The following RASA2 variants were observed in gnomAD, a reference collection of about 807,000 sequenced individuals.
RASA2 encodes the protein ras GTPase-activating protein 2.
Under a neutral mutation model 118.2 loss-of-function variants are expected in RASA2, and 155 were observed. The ratio of observed to expected loss-of-function variants is 1.31; its 90% confidence interval spans 1.15 to 1.50. The LOEUF is 1.50. Ranked by LOEUF, RASA2 falls within the 40% of genes most tolerant of loss-of-function variation. The probability of loss-of-function intolerance (pLI) is 0.00; values close to 1 mark genes in which losing one functional copy is unlikely to be tolerated. For missense variants in RASA2, 1,016 were observed against 1,009.6 expected (o/e 1.01, Z -0.09); for synonymous variants, 353 against 349.1 (o/e 1.01, Z -0.12).
intron 1 of RASA2, 72 bp downstream of exon 1, chr3:141,487,288 G>C (rs1189333912): frequency 5.0e-6 from 6 of 1,207,400 alleles, no homozygotes. Context: ...GCGGGTTCGC[G>C]GCGGTGGCGG....
chr3:141,504,912 CAG>C (rs2081841452), intron 1 of RASA2, among the ~76,000 whole-genome samples: 2 of 152,200 alleles, frequency 1.3e-5, no homozygotes, highest in African/African-American at 4.8e-5. Context: ...TATCCTGTCT[CAG>C]GGCCTTTGCA....
intron 2 of RASA2, among the ~76,000 whole-genome samples, chr3:141,512,896 C>T (rs2151081258): frequency 6.6e-6 from 1 of 152,128 alleles, no homozygotes; most frequent in South Asian, 2.1e-4. Flanking sequence ...AACCCCGTCT[C>T]TACGAAAAAT....
intron 17 of RASA2, among the ~76,000 whole-genome samples, chr3:141,584,327 T>G (rs1577787657): frequency 3.1e-5 from 1 of 32,240 alleles, no homozygotes; most frequent in African/African-American, 1.2e-4. Flanking sequence ...CAAAACTCCA[T>G]CCCAAAAAAA....
intron 1 of RASA2, among the ~76,000 whole-genome samples, chr3:141,509,247 G>A (rs2081913693): frequency 6.6e-6 from 1 of 152,152 alleles, no homozygotes; most frequent in Admixed American, 6.5e-5. Context: ...TTATAGGAAA[G>A]GATGCTTGGT....
At chr3:141,570,880 A>G (rs1290976355) in intron 9 of RASA2, 32 bp from the exon 10 acceptor site, 2 of 1,575,074 alleles carry the variant, frequency 1.3e-6, no homozygotes, top group African/African-American at 1.4e-5. Context: ...ATGCATTTCC[A>G]TCACATGGAA....
chr3:141,488,199 G>A (rs2081601803), intron 1 of RASA2, among the ~76,000 whole-genome samples: 1 of 151,898 alleles, frequency 6.6e-6, no homozygotes, highest in African/African-American at 2.4e-5. Flanking sequence ...TTTAGATGAA[G>A]TGCTTTTTGT....
Position 141,506,894 on chromosome 3 carries a change from C to T in RASA2, c.134-5269C>T, listed in dbSNP as rs144635445. ...TTGTGCCACTGCACTCCAGCGTGGG[C>T]GACAGAGCGAGACCCTGTCTCAAAA... is the stretch of plus-strand genomic sequence containing the variant. On this transcript the variant is annotated intron_variant, in intron 1 of 23. Coordinates refer to ENST00000286364, the MANE Select transcript of RASA2 (RefSeq NM_006506.5). Among the ~76,000 whole-genome samples the T allele has an allele frequency of 4.9e-3, 674 of 137,004 alleles. 11 individuals carry two copies. The highest frequency in any genetic ancestry group is 0.027 in the East Asian group (129 of 4,818). 89.9% of individuals were successfully genotyped at this position (137,004 alleles called of 152,430 possible).
chr3:141,579,823 A>C (rs1294718721), intron 15 of RASA2, among the ~76,000 whole-genome samples: 1 of 151,766 alleles, frequency 6.6e-6, no homozygotes, highest in Non-Finnish European at 1.5e-5. Flanking sequence ...CGGGAGGCCA[A>C]GGCAGGCAGA....
chr3:141,570,087 C>CT (rs765302553), intron 9 of RASA2, among the ~76,000 whole-genome samples: 21,068 of 120,174 alleles, frequency 0.18, 2,473 homozygotes, highest in African/African-American at 0.33. Context: ...TGATAAAAAG[C>CT]TTTTTTTTTT....
intron 7 of RASA2, 143 bp from the exon 8 acceptor site, chr3:141,558,743 T>C: frequency 1.5e-6 from 1 of 659,522 alleles, no homozygotes; most frequent in Non-Finnish European, 2.6e-6. Context: ...GTTGCTTTTA[T>C]ATTCAGCTAT....
intron 5 of RASA2, among the ~76,000 whole-genome samples, chr3:141,547,043 A>G (rs1193899924): frequency 6.6e-6 from 1 of 151,920 alleles, no homozygotes; most frequent in Non-Finnish European, 1.5e-5. Flanking sequence ...CTCTGTAATG[A>G]TCTGTTGGTC....
At chr3:141,602,591 G>A (rs2083481562) in intron 19 of RASA2, among the ~76,000 whole-genome samples, 1 of 152,146 alleles carries the variant, frequency 6.6e-6, no homozygotes, top group Admixed American at 6.5e-5. Flanking sequence ...CATTTGGTTT[G>A]TTCTGAATGC....
intron 9 of RASA2, among the ~76,000 whole-genome samples, chr3:141,564,390 A>G (rs1412127802): frequency 1.3e-5 from 2 of 152,216 alleles, no homozygotes; most frequent in Admixed American, 6.5e-5. Flanking sequence ...AACCAGTTGT[A>G]ACTGAGTAAG....
intron 19 of RASA2, among the ~76,000 whole-genome samples, chr3:141,595,679 A>T (rs1452891051): frequency 6.6e-6 from 1 of 151,712 alleles, no homozygotes; most frequent in Admixed American, 6.6e-5. Flanking sequence ...CTGTCTCCCA[A>T]GCTGGAGTGC....
At chr3:141,492,023 T>C (rs1009051967) in intron 1 of RASA2, among the ~76,000 whole-genome samples, 1 of 152,194 alleles carries the variant, frequency 6.6e-6, no homozygotes, top group Admixed American at 6.5e-5. Context: ...TTATTTAGGA[T>C]GGAGGAAGAA....
intron 3 of RASA2, among the ~76,000 whole-genome samples, chr3:141,517,857 A>AT (rs1262579915): frequency 6.6e-6 from 1 of 151,908 alleles, no homozygotes; most frequent in African/African-American, 2.4e-5. Flanking sequence ...GGGTTTCACC[A>AT]TGTTAGCCAG....
intron 19 of RASA2, chr3:141,586,997 A>C: frequency 2.0e-6 from 1 of 496,516 alleles, no homozygotes; most frequent in Non-Finnish European, 3.6e-6. Flanking sequence ...CTGTTTTCTA[A>C]AAATCCATAG....
chr3:141,566,572 T>C (rs890736778), intron 9 of RASA2, among the ~76,000 whole-genome samples: 9 of 152,196 alleles, frequency 5.9e-5, no homozygotes, highest in Non-Finnish European at 1.3e-4. Context: ...ATGATAAGTT[T>C]GGGGAAATTT....
chr3:141,610,291 A>G (rs2083617680), intron 23 of RASA2, among the ~76,000 whole-genome samples: 1 of 144,500 alleles, frequency 6.9e-6, no homozygotes, highest in Non-Finnish European at 1.5e-5. Flanking sequence ...TTAATTTCAT[A>G]TATATGTATA....
Sources: allele counts gnomAD v4.1 joint callset (sites outside exome capture counted in the v4.1 genomes callset), GRCh38; gene constraint gnomAD v4.1.1; transcripts MANE v1.5; gene names NCBI Gene and HGNC (gene_info 2026-07-23, HGNC 2026-07-21).